The following ATP12A variants were observed in gnomAD, a reference collection of about 807,000 sequenced individuals.
ATP12A encodes ATPase H+/K+ transporting non-gastric alpha2 subunit.
A neutral mutation model predicts 111.2 loss-of-function variants in ATP12A; 81 were observed. That is an observed-to-expected ratio of 0.73 (90% CI 0.61 to 0.88). The LOEUF (loss-of-function observed/expected upper bound fraction) is 0.88. Ranked by LOEUF, ATP12A falls within the 40% of genes least tolerant of loss-of-function variation. The pLI is 0.00. For missense variants in ATP12A, 1,196 were observed against 1,313.1 expected, an observed-to-expected ratio of 0.91 and a Z score of 1.38; for synonymous variants, 498 against 499.8, an observed-to-expected ratio of 1.00 and a Z score of 0.05.
chr13:24,697,580 C>T (rs1162728198), intron 11 of ATP12A, among the ~76,000 whole-genome samples: 2 of 145,420 alleles, frequency 1.4e-5, no homozygotes, highest in Non-Finnish European at 3.0e-5. Context: ...GTCGAGGCTG[C>T]AGTGAGCTGT....
rs1875364543 is a variant in ATP12A, at chr13:24,700,877, C to T, written c.1836C>T (p.Ser612=). Residue 612 remains serine (S), a synonymous_variant, in exon 13 of 23, where the codon TCC becomes TCT. Transcript: ENST00000381946. Reference sequence around the variant, plus strand: ...TGTCAATGATCGATCCCCCTCGGTCCACCGTGCCAGATGCAGTCACCAAAT... The same window carrying T: ...TGTCAATGATCGATCCCCCTCGGTCTACCGTGCCAGATGCAGTCACCAAAT... The part of the protein sequence containing the change: ...GLLSMIDPPR[S]TVPDAVTKCR... 1 of 1,614,078 alleles carries T rather than the reference C, an allele frequency of 6.2e-7. No homozygotes were observed. Among genetic ancestry groups the T allele is most frequent in the African/African-American group, 1.3e-5 (1 of 74,924 alleles).
At chr13:24,698,946 T>C in intron 12 of ATP12A, 96 bp downstream of exon 12, 1 of 1,410,418 alleles carries the variant, frequency 7.1e-7, no homozygotes, top group South Asian at 1.3e-5. Flanking sequence ...GGCCATGGCA[T>C]CCACGTGAAG....
At chr13:24,698,508 T>C (rs766461147) in intron 11 of ATP12A, 150 bp from the exon 12 acceptor site, 37 of 875,384 alleles carry the variant, frequency 4.2e-5, no homozygotes, top group Non-Finnish European at 5.4e-5. Context: ...TCTAGAGCTC[T>C]TCGTCTTACT....
intron 1 of ATP12A, among the ~76,000 whole-genome samples, 197 bp from the exon 2 acceptor site, chr13:24,681,365 G>T (rs61948069): frequency 6.6e-6 from 1 of 151,992 alleles, no homozygotes; most frequent in Non-Finnish European, 1.5e-5. Flanking sequence ...CCCTCTACAC[G>T]GACGGAGAGG....
At position 24,685,198 on chromosome 13, in the gene ATP12A, C is replaced by T. The variant is rs866433490; in HGVS notation, c.169-116C>T. ...TTTCTCTCCTGTCCCCCACACTCCT[C>T]GATCCCCTCCCATCCTCAGGGCTGC... On this transcript the variant is annotated intron_variant, in intron 2 of 22. Coordinates refer to ENST00000381946, the MANE Select transcript of ATP12A (RefSeq NM_001676.7). The surrounding 1 kb of genome is among the most constrained non-coding windows in gnomAD (Gnocchi z 5.5). 2.6e-5 allele frequency: 25 copies of T among 950,098 alleles called. No individual in the cohort carries two copies. Among genetic ancestry groups the T allele is most frequent in the South Asian group, 1.4e-4 (10 of 71,712 alleles). The allele number at this position is 950,098 out of a possible 1,614,324, so 58.9% of individuals were successfully genotyped here. A position where few individuals can be genotyped will look rare whatever the true frequency, so the allele number is the denominator to read the frequency against.
chr13:24,711,499 TG>T lies in ATP12A; in HGVS notation c.3100del (p.Asp1034IlefsTer72). 6.2e-7 allele frequency: 1 copy of T among 1,613,784 alleles called. No individual in the cohort carries two copies. Among genetic ancestry groups the T allele is most frequent in the Non-Finnish European group, 8.5e-7 (1 of 1,179,978 alleles). ...ACTTTTTTCTACCTCTACAGGCTGG[TG>T]GGATAAGAACATGTATTATTAAGAC... Reference protein sequence around the residue: ...LFIRLYPGSWWDKNMYY With the variant: ...LFIRLYPGSWXDKNMYY On this transcript the variant is annotated frameshift_variant, in exon 23 of 23. Coordinates refer to ENST00000381946, the MANE Select transcript of ATP12A (RefSeq NM_001676.7). LOFTEE classifies it high-confidence loss of function.
Position 24,690,353 on chromosome 13 carries a change from C to T in ATP12A, c.562C>T (p.Arg188Ter), listed in dbSNP as rs368648921. The change falls in exon 6 of 23, where the codon CGA becomes TGA. Residue 188 changes from arginine (R) to a stop codon, truncating the protein, a stop_gained. Transcript: ENST00000381946. LOFTEE classifies it high-confidence loss of function. Reference sequence around the variant, plus strand: ...TTTTCTGCAGCAAGCTCTCGTCATCCGAGATTCCGAGAAGAAGACCATCCC... The same window carrying T: ...TTTTCTGCAGCAAGCTCTCGTCATCTGAGATTCCGAGAAGAAGACCATCCC... Reference protein sequence around the residue: ...KMIPQQALVIRDSEKKTIPSE... With the variant: ...KMIPQQALVI 5.1e-5 allele frequency: 83 copies of T among 1,613,020 alleles called. No homozygotes were observed. The highest frequency in any genetic ancestry group is 1.6e-4 in the East Asian group (7 of 44,864).
At position 24,689,258 on chromosome 13, in the gene ATP12A, C is replaced by T. The variant is rs771757137; in HGVS notation, c.433-4C>T. On this transcript the variant is annotated splice_region_variant and splice_polypyrimidine_tract_variant and intron_variant, in intron 4 of 22. Transcript: ENST00000381946. ...CTCTGACTGACGCCCTCCTTCTCAC[C>T]CAGGTGTACTTGGGCTGTGTGCTTG... The T allele has an allele frequency of 1.9e-6, 3 of 1,613,432 alleles. No homozygotes were observed. Among genetic ancestry groups the T allele is most frequent in the South Asian group, 2.2e-5 (2 of 91,042 alleles).
chr13:24,690,952 C>T (rs1216916896), intron 7 of ATP12A, 30 bp from the exon 8 acceptor site: 1 of 1,611,920 alleles, frequency 6.2e-7, no homozygotes, highest in East Asian at 2.2e-5. Flanking sequence ...GCTGAGGACC[C>T]CTGGAATAAA....
intron 11 of ATP12A, among the ~76,000 whole-genome samples, chr13:24,695,080 A>T (rs1209421692): frequency 6.6e-6 from 1 of 152,206 alleles, no homozygotes; most frequent in African/African-American, 2.4e-5. Context: ...CCTGACTCAG[A>T]GGAGGAAGCA....
chr13:24,681,639 G>T lies in ATP12A; in HGVS notation c.87G>T (p.Glu29Asp). The change falls in exon 2 of 23, where the codon GAG (glutamate) becomes GAT (aspartate). Residue 29 changes from glutamate to aspartate, a missense_variant. Around this residue, in one of 3 missense-constraint regions of ATP12A, gnomAD observed 67 missense variants for 64.0 expected, o/e 1.05. Transcript: ENST00000381946. ...AAACAGACAAGGGGGATGGCAAGGAGAAGTATAGGGGTCTGAAGAACAACT... is the reference window on the plus strand; with the variant it reads ...AAACAGACAAGGGGGATGGCAAGGATAAGTATAGGGGTCTGAAGAACAACT... ...IVKTDKGDGK[E>D]KYRGLKNNCL... 1 of 1,614,234 alleles carries T rather than the reference G, an allele frequency of 6.2e-7. No homozygotes were observed. The highest frequency in any genetic ancestry group is 8.5e-7 in the Non-Finnish European group (1 of 1,180,050).
At position 24,710,580 on chromosome 13, in the gene ATP12A, C is replaced by G; in HGVS notation, c.2884C>G (p.Gln962Glu). Residue 962 changes from glutamine to glutamate, a missense_variant, in exon 20 of 23, where the codon CAG (glutamine) becomes GAG (glutamate). By Grantham distance (29) the Gln-to-Glu change is conservative (BLOSUM62 2). Transcript: ENST00000381946. ...RKTRRNSIFQ[Q>E]GLFRNKVIWV... Reference sequence around the variant, plus strand: ...AACCCGGAGGAATTCCATCTTCCAGCAGGGTCTCTTCAGGTACTGCCTGTG... The same window carrying G: ...AACCCGGAGGAATTCCATCTTCCAGGAGGGTCTCTTCAGGTACTGCCTGTG... The G allele has an allele frequency of 1.2e-6, 2 of 1,614,174 alleles. No individual in the cohort carries two copies. The highest frequency in any genetic ancestry group is 2.2e-5 in the East Asian group (1 of 44,886).
intron 3 of ATP12A, among the ~76,000 whole-genome samples, chr13:24,687,003 G>C (rs539502507): frequency 3.9e-5 from 6 of 152,082 alleles, no homozygotes; most frequent in Non-Finnish European, 5.9e-5. Context: ...GAACACCCCT[G>C]AGGAAATGTT....
intron 8 of ATP12A, among the ~76,000 whole-genome samples, chr13:24,692,008 G>T (rs1286282373): frequency 6.6e-6 from 1 of 152,098 alleles, no homozygotes; most frequent in Non-Finnish European, 1.5e-5. Flanking sequence ...CAACATAAAG[G>T]CTGCTGAATT....
intron 19 of ATP12A, among the ~76,000 whole-genome samples, chr13:24,710,119 T>C (rs1480168804): frequency 6.6e-6 from 1 of 152,184 alleles, no homozygotes; most frequent in Non-Finnish European, 1.5e-5. Flanking sequence ...ATTTACATCT[T>C]TCAGGCCGGG....
intron 2 of ATP12A, among the ~76,000 whole-genome samples, chr13:24,684,387 TAAGAA>T (rs1314409659): frequency 1.3e-5 from 2 of 152,200 alleles, no homozygotes; most frequent in Non-Finnish European, 2.9e-5. Flanking sequence ...TGCATATACT[TAAGAA>T]AAGAGATGAT....
At chr13:24,690,274 A>G (rs1874822704) in intron 5 of ATP12A, 64 bp from the exon 6 acceptor site, 1 of 1,592,456 alleles carries the variant, frequency 6.3e-7, no homozygotes, top group Non-Finnish European at 8.5e-7. Context: ...GGTGCGGCAC[A>G]GACTTGGGGG....
chr13:24,681,615 AACAG>A lies in ATP12A; in HGVS notation c.67_70del (p.Asp23ArgfsTer11), dbSNP rs368733572. On this transcript the variant is annotated frameshift_variant, in exon 2 of 23. Coordinates refer to ENST00000381946, the MANE Select transcript of ATP12A (RefSeq NM_001676.7). LOFTEE classifies it high-confidence loss of function. ...TCAGCGGAACTAAGGACATCGTGAA[AACAG>A]ACAAGGGGGATGGCAAGGAGAAGTA... 3.7e-6 allele frequency: 6 copies of A among 1,614,090 alleles called. No homozygotes were observed. In the South Asian group the frequency reaches 4.4e-5, roughly 12 times the overall value.
rs1462595589 is a variant in ATP12A at position 24,690,489 on chromosome 13, A to T, written c.681+17A>T. 1 of 1,613,306 alleles carries T rather than the reference A, an allele frequency of 6.2e-7. No homozygotes were observed. The highest frequency in any genetic ancestry group is 2.2e-5 in the East Asian group (1 of 44,860). On this transcript the variant is annotated intron_variant, in intron 6 of 22. Transcript: ENST00000381946. Reference sequence around the variant, plus strand: ...GGGTGTCGGGTAAGCGGCAAGGGGTATCCACCCCAAGGACCATGTTCCAAA... The same window carrying T: ...GGGTGTCGGGTAAGCGGCAAGGGGTTTCCACCCCAAGGACCATGTTCCAAA...
Sources: gnomAD v4.1 joint callset for allele counts (sites outside exome capture counted in the v4.1 genomes callset) on GRCh38, gnomAD v4.1.1 for gene constraint, gnomAD v4.1.1 regional missense constraint, Gnocchi (gnomAD v3.1) non-coding constraint, MANE v1.5 for transcripts, NCBI Gene and HGNC (gene_info 2026-07-23, HGNC 2026-07-21) for gene names.